NRXN3: variants seen among roughly 807,000 people sequenced by gnomAD.
NRXN3 encodes the protein neurexin III.
A neutral mutation model predicts 137.6 loss-of-function variants in NRXN3; 32 were observed. The ratio of observed to expected loss-of-function variants is 0.23; its 90% CI spans 0.18 to 0.31. The LOEUF is 0.31. Ranked by LOEUF, NRXN3 falls within the 10% of genes least tolerant of loss-of-function variation. The pLI, the probability that NRXN3 is intolerant of heterozygous loss-of-function variation, is 1.00. For missense variants in NRXN3, 1,574 were observed against 2,062.5 expected (o/e 0.76, Z 4.59); for synonymous variants, 798 against 784.5 (o/e 1.02, Z -0.29).
At chr14:79,318,636 T>C (rs1289688421) in intron 15 of NRXN3, among the ~76,000 whole-genome samples, 5 of 152,174 alleles carry the variant, frequency 3.3e-5, no homozygotes, top group Admixed American at 6.5e-5. Context: ...ATGGGATTTA[T>C]TGGGAGTGTT....
At chr14:79,841,661 C>T (rs2099356137) in intron 20 of NRXN3, among the ~76,000 whole-genome samples, 2 of 152,268 alleles carry the variant, frequency 1.3e-5, no homozygotes, top group East Asian at 3.9e-4. Flanking sequence ...CCCTTTCCTT[C>T]CTACTGCCTG....
intron 15 of NRXN3, among the ~76,000 whole-genome samples, chr14:79,232,909 T>C (rs1717161918): frequency 6.6e-6 from 1 of 152,194 alleles, no homozygotes. Context: ...ATAATTGTTG[T>C]CATACATGCA....
intron 4 of NRXN3, among the ~76,000 whole-genome samples, chr14:78,302,514 C>G (rs1260684419): frequency 6.6e-6 from 1 of 152,182 alleles, no homozygotes; most frequent in African/African-American, 2.4e-5. Flanking sequence ...TCTATACTGT[C>G]TTTCCCGGAT....
At chr14:78,309,381 A>T (rs1416032062) in intron 4 of NRXN3, among the ~76,000 whole-genome samples, 1 of 151,820 alleles carries the variant, frequency 6.6e-6, no homozygotes, top group East Asian at 1.9e-4. Context: ...TTTGGTATAA[A>T]TTATTTTGTC....
chr14:79,707,291 G>C (rs2098784432), intron 19 of NRXN3, among the ~76,000 whole-genome samples: 1 of 152,208 alleles, frequency 6.6e-6, no homozygotes, highest in African/African-American at 2.4e-5. Context: ...CTTATCATCA[G>C]AGTGAAGAGG....
intron 2 of NRXN3, among the ~76,000 whole-genome samples, chr14:78,269,441 G>T (rs1233815831): frequency 1.3e-5 from 2 of 152,196 alleles, no homozygotes; most frequent in Non-Finnish European, 2.9e-5. Context: ...GGGCCAGTGG[G>T]AGGGGGTAAA....
intron 16 of NRXN3, among the ~76,000 whole-genome samples, chr14:79,563,945 A>C (rs1465756203): frequency 6.6e-6 from 1 of 152,082 alleles, no homozygotes; most frequent in African/African-American, 2.4e-5. Context: ...GAGTCCAAGC[A>C]GTAGCCAGAA....
At chr14:78,401,692 T>G (rs1293410995) in intron 4 of NRXN3, among the ~76,000 whole-genome samples, 1 of 152,226 alleles carries the variant, frequency 6.6e-6, no homozygotes, top group Admixed American at 6.5e-5. Flanking sequence ...TATGCTCCTT[T>G]GCTTGAACAA....
intron 8 of NRXN3, among the ~76,000 whole-genome samples, chr14:78,730,924 C>A (rs1395444308): frequency 2.6e-5 from 4 of 152,172 alleles, no homozygotes. Flanking sequence ...GCGTGATGGT[C>A]AAGGAATGTG....
chr14:79,125,926 T>G (rs2056345555), intron 15 of NRXN3, among the ~76,000 whole-genome samples: 1 of 152,114 alleles, frequency 6.6e-6, no homozygotes, highest in South Asian at 2.1e-4. Flanking sequence ...TGCAACTCCT[T>G]TCGTTAAAAG....
intron 15 of NRXN3, among the ~76,000 whole-genome samples, chr14:79,303,503 A>C (rs1389965182): frequency 4.6e-5 from 7 of 151,994 alleles, no homozygotes; most frequent in Non-Finnish European, 1.0e-4. Context: ...GCTTCTTGAC[A>C]TTTCTCCTCC....
intron 8 of NRXN3, among the ~76,000 whole-genome samples, chr14:78,746,588 C>T: frequency 6.6e-6 from 1 of 152,154 alleles, no homozygotes; most frequent in East Asian, 1.9e-4. Flanking sequence ...ACATCCTAAG[C>T]AATTGTAACA....
chr14:78,760,128 T>G (rs1241986729), intron 8 of NRXN3, among the ~76,000 whole-genome samples: 1 of 135,052 alleles, frequency 7.4e-6, no homozygotes, highest in Non-Finnish European at 1.5e-5. Flanking sequence ...TGCAACAACC[T>G]CTTTCTCCCA....
At chr14:79,371,238 T>C (rs1285021486) in intron 15 of NRXN3, among the ~76,000 whole-genome samples, 1 of 152,200 alleles carries the variant, frequency 6.6e-6, no homozygotes, top group African/African-American at 2.4e-5. Context: ...TTTAGTCATG[T>C]GTTTGTAAGG....
chr14:79,779,026 C>A (rs916056501), intron 19 of NRXN3, among the ~76,000 whole-genome samples: 1 of 152,196 alleles, frequency 6.6e-6, no homozygotes, highest in African/African-American at 2.4e-5. Context: ...AGTCTCTTGG[C>A]AGGATTAAAT....
intron 4 of NRXN3, among the ~76,000 whole-genome samples, chr14:78,618,376 T>A (rs1376764460): frequency 6.6e-6 from 1 of 151,900 alleles, no homozygotes; most frequent in Non-Finnish European, 1.5e-5. Context: ...AGATCTTTAG[T>A]GGGAAGAGTT....
intron 9 of NRXN3, among the ~76,000 whole-genome samples, chr14:78,807,202 C>A (rs1303566886): frequency 6.6e-6 from 1 of 152,178 alleles, no homozygotes; most frequent in Non-Finnish European, 1.5e-5. Flanking sequence ...AGGGAAAAGA[C>A]AGTTGATATG....
chr14:79,783,070 G>A (rs989071292), intron 19 of NRXN3, among the ~76,000 whole-genome samples: 1 of 152,186 alleles, frequency 6.6e-6, no homozygotes, highest in African/African-American at 2.4e-5. Flanking sequence ...CATTACCACT[G>A]CCTATCTTTC....
At chr14:78,483,396 G>A (rs2095505084) in intron 4 of NRXN3, among the ~76,000 whole-genome samples, 2 of 152,294 alleles carry the variant, frequency 1.3e-5, no homozygotes, top group South Asian at 4.1e-4. Flanking sequence ...ACTGACTTCA[G>A]CATGGAGACT....
Sources: allele counts gnomAD v4.1 joint callset (sites outside exome capture counted in the v4.1 genomes callset), GRCh38; gene constraint gnomAD v4.1.1; transcripts MANE v1.5; gene names NCBI Gene and HGNC (gene_info 2026-07-23, HGNC 2026-07-21).